The following PTPN12 variants were observed in gnomAD, a reference collection of about 807,000 sequenced individuals.
PTPN12 encodes tyrosine-protein phosphatase non-receptor type 12.
A neutral mutation model predicts 97.6 loss-of-function variants in PTPN12; 29 were observed. That is an observed-to-expected ratio of 0.30 (90% CI 0.22 to 0.41). PTPN12 has a LOEUF of 0.41. PTPN12 is among the 10% of genes least tolerant of loss of function. The probability of loss-of-function intolerance (pLI) is 1.00; values close to 1 mark genes in which losing one functional copy is unlikely to be tolerated. For synonymous variants in PTPN12, 327 were observed against 300.4 expected (o/e 1.09, Z -0.91); for missense variants, 819 against 926.0 (o/e 0.88, Z 1.50).
At chr7:77,614,367 C>T (rs1188307947) in intron 11 of PTPN12, among the ~76,000 whole-genome samples, 1 of 152,030 alleles carries the variant, frequency 6.6e-6, no homozygotes, top group Non-Finnish European at 1.5e-5. Flanking sequence ...ATAATTCTAT[C>T]ATAGGCTCTT....
At chr7:77,582,824 A>T (rs374143949) in intron 3 of PTPN12, among the ~76,000 whole-genome samples, 47 of 152,012 alleles carry the variant, frequency 3.1e-4, no homozygotes, top group African/African-American at 1.1e-3. Flanking sequence ...ATTATTATCT[A>T]TGTCAATATT....
chr7:77,559,668 G>A (rs889194231), intron 1 of PTPN12, among the ~76,000 whole-genome samples: 2 of 152,142 alleles, frequency 1.3e-5, no homozygotes, highest in Non-Finnish European at 2.9e-5. Flanking sequence ...TTGCTCTCTA[G>A]TTTTATAAAT....
At chr7:77,614,538 G>T (rs1029207394) in intron 11 of PTPN12, among the ~76,000 whole-genome samples, 1 of 152,098 alleles carries the variant, frequency 6.6e-6, no homozygotes, top group African/African-American at 2.4e-5. Context: ...ATGTTTGAGA[G>T]AAATCTCTCC....
intron 2 of PTPN12, among the ~76,000 whole-genome samples, chr7:77,581,019 C>T (rs1478038494): frequency 2.6e-5 from 4 of 152,044 alleles, no homozygotes; most frequent in Non-Finnish European, 5.9e-5. Flanking sequence ...CACTGCTTTA[C>T]GTCACTGGTG....
Position 77,598,224 on chromosome 7 carries a change from G to C in PTPN12, c.552+323G>C, listed in dbSNP as rs550304724. Among the ~76,000 whole-genome samples, 4 of 150,234 alleles carry C rather than the reference G, an allele frequency of 2.7e-5. No homozygotes were observed. In the East Asian group the frequency reaches 8.6e-4, roughly 32 times the overall value. On this transcript the variant is annotated intron_variant, in intron 7 of 17. Transcript: ENST00000248594. Reference sequence around the variant, plus strand: ...ACTCTCAAAAATGGTTTTGAGAATAGAGAATAGTTTTCAAAGAGAAGACAT... The same window carrying C: ...ACTCTCAAAAATGGTTTTGAGAATACAGAATAGTTTTCAAAGAGAAGACAT...
At chr7:77,566,095 C>T (rs931262518) in intron 1 of PTPN12, among the ~76,000 whole-genome samples, 1 of 152,152 alleles carries the variant, frequency 6.6e-6, no homozygotes, top group African/African-American at 2.4e-5. Flanking sequence ...AAGGAAATAA[C>T]ACTTTAGCCA....
intron 2 of PTPN12, among the ~76,000 whole-genome samples, chr7:77,576,816 C>T (rs1259479608): frequency 1.3e-5 from 2 of 152,240 alleles, no homozygotes; most frequent in Non-Finnish European, 2.9e-5. Flanking sequence ...GGTGCTGTGG[C>T]TTTCTCCCTA....
intron 1 of PTPN12, among the ~76,000 whole-genome samples, chr7:77,539,190 T>TA (rs927081762): frequency 1.3e-5 from 2 of 152,198 alleles, no homozygotes; most frequent in Non-Finnish European, 2.9e-5. Context: ...GCTTATAAAA[T>TA]AGGCCCTTGA....
At chr7:77,587,850 C>G (rs529600379) in intron 5 of PTPN12, among the ~76,000 whole-genome samples, 4 of 152,324 alleles carry the variant, frequency 2.6e-5, no homozygotes, top group African/African-American at 7.2e-5. Flanking sequence ...GGTGCTTCAT[C>G]TCGCACTTTT....
At chr7:77,592,977 C>CA (rs1332293765) in intron 6 of PTPN12, among the ~76,000 whole-genome samples, 1 of 152,032 alleles carries the variant, frequency 6.6e-6, no homozygotes, top group African/African-American at 2.4e-5. Context: ...ACCTAAAAAT[C>CA]AATTAATTTA....
intron 2 of PTPN12, among the ~76,000 whole-genome samples, chr7:77,578,305 A>C (rs768247414): frequency 2.0e-5 from 3 of 152,272 alleles, no homozygotes; most frequent in East Asian, 1.9e-4. Context: ...TGAATATTCT[A>C]TTCTCATTTT....
intron 6 of PTPN12, among the ~76,000 whole-genome samples, chr7:77,596,787 C>T (rs554358956): frequency 6.6e-6 from 1 of 152,268 alleles, no homozygotes; most frequent in Admixed American, 6.5e-5. Flanking sequence ...TTCTTATATA[C>T]ACCCTGTCCC....
chr7:77,589,054 A>G (rs1013757964), intron 5 of PTPN12, among the ~76,000 whole-genome samples: 4 of 151,988 alleles, frequency 2.6e-5, no homozygotes, highest in Non-Finnish European at 5.9e-5. Context: ...TTGTATTTTT[A>G]GTAGAGATGG....
At chr7:77,585,715 T>A in intron 5 of PTPN12, 134 bp downstream of exon 5, 1 of 643,744 alleles carries the variant, frequency 1.6e-6, no homozygotes, top group Non-Finnish European at 2.6e-6. Context: ...TGCTTTTATT[T>A]CATACAAGGG....
chr7:77,567,184 T>C (rs2082602021), intron 1 of PTPN12, among the ~76,000 whole-genome samples: 1 of 144,270 alleles, frequency 6.9e-6, no homozygotes, highest in African/African-American at 2.5e-5. Context: ...TAGACATTAA[T>C]GTTGATGTGT....
intron 5 of PTPN12, among the ~76,000 whole-genome samples, chr7:77,591,875 C>T (rs935486065): frequency 2.6e-5 from 4 of 152,188 alleles, no homozygotes; most frequent in African/African-American, 9.7e-5. Flanking sequence ...TTGTACCAGA[C>T]ACTTTTTTAA....
chr7:77,610,689 A>G (rs935154296), intron 9 of PTPN12, 76 bp from the exon 10 acceptor site: 1 of 1,414,534 alleles, frequency 7.1e-7, no homozygotes. Context: ...TTTAAGTTTT[A>G]TGTGAAAAGC....
chr7:77,618,278 G>A (rs571797853), intron 11 of PTPN12, among the ~76,000 whole-genome samples: 2 of 152,080 alleles, frequency 1.3e-5, no homozygotes, highest in Admixed American at 6.5e-5. Flanking sequence ...ACTGTGATGC[G>A]CTGTTTTTTT....
intron 1 of PTPN12, among the ~76,000 whole-genome samples, chr7:77,570,587 G>A (rs1317290097): frequency 6.6e-6 from 1 of 152,234 alleles, no homozygotes; most frequent in Non-Finnish European, 1.5e-5. Flanking sequence ...ATTGGTCTTT[G>A]TTGGACATTT....
Sources: allele counts gnomAD v4.1 joint callset (sites outside exome capture counted in the v4.1 genomes callset), GRCh38; gene constraint gnomAD v4.1.1; transcripts MANE v1.5; gene names NCBI Gene and HGNC (gene_info 2026-07-23, HGNC 2026-07-21).